Variants in SLC45A4 observed in about 807,000 individuals in gnomAD.
SLC45A4 encodes the protein solute carrier family 45 member 4.
SLC45A4 carries 32 observed loss-of-function variants against 63.7 expected under a neutral mutation model. The observed-to-expected ratio is 0.50, with a 90% confidence interval of 0.38 to 0.67. The LOEUF (loss-of-function observed/expected upper bound fraction) is 0.67, where lower values mean the gene tolerates loss of function less well. Among genes scored for constraint, SLC45A4 ranks in the 30% least tolerant of loss-of-function variants. The probability of loss-of-function intolerance (pLI) is 0.00; values close to 1 mark genes in which losing one functional copy is unlikely to be tolerated. For synonymous variants in SLC45A4, 535 were observed against 510.0 expected, an observed-to-expected ratio of 1.05 and a Z score of -0.66; for missense variants, 1,027 against 1,157.7, an observed-to-expected ratio of 0.89 and a Z score of 1.64.
intron 2 of SLC45A4, among the ~76,000 whole-genome samples, chr8:141,249,087 G>T (rs1175712584): frequency 6.6e-6 from 1 of 151,372 alleles, no homozygotes. Context: ...CCACTTCGAT[G>T]AATGAAGTTG....
At chr8:141,235,320 T>C (rs1399570309) in intron 2 of SLC45A4, among the ~76,000 whole-genome samples, 2 of 152,180 alleles carry the variant, frequency 1.3e-5, no homozygotes, top group African/African-American at 4.8e-5. Flanking sequence ...GAGCGTCAGG[T>C]TACCGTGAGG....
intron 1 of SLC45A4, among the ~76,000 whole-genome samples, chr8:141,279,082 C>T (rs1039886481): frequency 2.6e-5 from 4 of 152,248 alleles, no homozygotes; most frequent in Non-Finnish European, 4.4e-5. Context: ...ACCTCTGTGA[C>T]GGCTCCCACA....
intron 1 of SLC45A4, among the ~76,000 whole-genome samples, chr8:141,289,650 C>T (rs72681602): frequency 0.043 from 6,520 of 152,256 alleles, 190 homozygotes; most frequent in Middle Eastern, 0.085. Flanking sequence ...GGTCAGCTTC[C>T]TGTAGTAAGA....
At chr8:141,264,769 CT>C (rs1829191179) in intron 1 of SLC45A4, among the ~76,000 whole-genome samples, 2 of 152,128 alleles carry the variant, frequency 1.3e-5, no homozygotes, top group Non-Finnish European at 1.5e-5. Context: ...CCTAATTAAC[CT>C]TTGTCATGGT....
At chr8:141,262,114 G>T (rs1487811210) in intron 1 of SLC45A4, among the ~76,000 whole-genome samples, 1 of 151,468 alleles carries the variant, frequency 6.6e-6, no homozygotes, top group African/African-American at 2.4e-5. Flanking sequence ...CAAGAAATTG[G>T]GAAAGGATTC....
At position 141,218,829 on chromosome 8, in the gene SLC45A4, C is replaced by T. The variant is rs756143827; in HGVS notation, c.811G>A (p.Ala271Thr). Residue 271 changes from alanine to threonine, a missense_variant, in exon 5 of 9, where the codon GCC (alanine) becomes ACC (threonine). Ala to Thr is a moderately conservative substitution (Grantham distance 58). Transcript: ENST00000517878. ...CCGTGCGGCTCGCCCCCATCCAGGGCGCCGGGCTCCTCAGCGCTGCGCTCC... is the reference window on the plus strand; with the variant it reads ...CCGTGCGGCTCGCCCCCATCCAGGGTGCCGGGCTCCTCAGCGCTGCGCTCC... ...QQERSAEEPG[A>T]LDGGEPHGVP... The T allele has an allele frequency of 3.0e-5, 48 of 1,613,090 alleles. No individual in the cohort carries two copies. Among genetic ancestry groups the T allele is most frequent in the Middle Eastern group, 3.3e-4 (2 of 6,062 alleles).
intron 6 of SLC45A4, among the ~76,000 whole-genome samples, chr8:141,216,444 C>G (rs1045437307): frequency 2.0e-5 from 3 of 152,252 alleles, no homozygotes; most frequent in Non-Finnish European, 4.4e-5. Flanking sequence ...ACGGCACCTC[C>G]CCTGGGAAAG....
intron 1 of SLC45A4, among the ~76,000 whole-genome samples, chr8:141,300,062 A>T (rs978128376): frequency 2.6e-5 from 4 of 152,172 alleles, no homozygotes; most frequent in African/African-American, 9.7e-5. Context: ...TGGCCCCATG[A>T]TCTGACGACA....
At chr8:141,276,915 A>T (rs1829748367) in intron 1 of SLC45A4, among the ~76,000 whole-genome samples, 1 of 152,166 alleles carries the variant, frequency 6.6e-6, no homozygotes, top group Non-Finnish European at 1.5e-5. Flanking sequence ...GCACCTTTCC[A>T]ACTCATTAAT....
chr8:141,271,924 AAC>A (rs774445757), intron 1 of SLC45A4, among the ~76,000 whole-genome samples: 27 of 151,764 alleles, frequency 1.8e-4, no homozygotes, highest in Admixed American at 3.3e-4. Context: ...ACACGTGTGC[AAC>A]ACACACCTGC....
At chr8:141,233,211 C>T (rs1198495928) in intron 2 of SLC45A4, among the ~76,000 whole-genome samples, 2 of 152,196 alleles carry the variant, frequency 1.3e-5, no homozygotes, top group East Asian at 3.8e-4. Flanking sequence ...GGTTCCAGCA[C>T]ACAGCTGGGC....
At position 141,218,208 on chromosome 8, in the gene SLC45A4, T is replaced by C; in HGVS notation, c.1432A>G (p.Thr478Ala). ...HRHRNQSGAT[T>A]SSGDTESEEG... ...TCACTCTCGGTGTCCCCGCTGGAGG[T>C]GGTGGCCCCGCTCTGGTTCCGGTGC... The change falls in exon 5 of 9, where the codon ACC becomes GCC. Residue 478 changes from threonine (T) to alanine (A), a missense_variant. Coordinates refer to ENST00000517878, the MANE Select transcript of SLC45A4 (RefSeq NM_001286646.2). The C allele has an allele frequency of 6.2e-7, 1 of 1,602,832 alleles. No individual in the cohort carries two copies. The highest frequency in any genetic ancestry group is 1.1e-5 in the South Asian group (1 of 91,048).
At chr8:141,269,752 T>C (rs1429136346) in intron 1 of SLC45A4, among the ~76,000 whole-genome samples, 2 of 152,162 alleles carry the variant, frequency 1.3e-5, no homozygotes, top group Non-Finnish European at 2.9e-5. Context: ...TGTCTGTATG[T>C]CTGTGTCTAT....
chr8:141,223,785 G>A (rs1215558624), intron 2 of SLC45A4, among the ~76,000 whole-genome samples: 1 of 152,150 alleles, frequency 6.6e-6, no homozygotes, highest in African/African-American at 2.4e-5. Context: ...ATGCACTCAC[G>A]AGAGACCGTG....
intron 1 of SLC45A4, among the ~76,000 whole-genome samples, chr8:141,295,596 C>A (rs541905076): frequency 4.0e-4 from 61 of 152,318 alleles, no homozygotes; most frequent in Non-Finnish European, 8.8e-5. Context: ...TTCCACAACA[C>A]AGCACCCAGG....
chr8:141,285,248 G>A (rs1293202632), intron 1 of SLC45A4, among the ~76,000 whole-genome samples: 2 of 152,146 alleles, frequency 1.3e-5, no homozygotes, highest in Non-Finnish European at 2.9e-5. Context: ...ACCACAACGC[G>A]CCCGCACCCC....
At position 141,211,186 on chromosome 8, in the gene SLC45A4, G is replaced by GA; in HGVS notation, c.*385dup. 1 of 379,050 alleles carries GA rather than the reference G, an allele frequency of 2.6e-6. No homozygotes were observed. The highest frequency in any genetic ancestry group is 4.7e-6 in the Non-Finnish European group (1 of 212,386). The allele number at this position is 379,050 out of a possible 1,614,324, so 23.5% of individuals were successfully genotyped here. Reference sequence around the variant, plus strand: ...GGCCCGCTGGGAGCTCTGCTCTCAGGAATCCCCAGCAAATGGTTTAGAGAC... The same window carrying GA: ...GGCCCGCTGGGAGCTCTGCTCTCAGGAAATCCCCAGCAAATGGTTTAGAGAC... On this transcript the variant is annotated 3_prime_UTR_variant, in exon 9 of 9. Coordinates refer to ENST00000517878, the MANE Select transcript of SLC45A4 (RefSeq NM_001286646.2).
rs1007022385 is a variant in SLC45A4 at position 141,212,135 on chromosome 8, GCCGCCCGCCCGCCCGC to G, written c.2301+46_2301+61del. The G allele has an allele frequency of 1.8e-4, 96 of 545,764 alleles. 7 individuals are homozygous for G. In the South Asian group the frequency reaches 1.9e-3, roughly 11 times the overall value. 33.8% of individuals were successfully genotyped at this position (545,764 alleles called of 1,614,324 possible). ...CTGCTCCCGCCCATGGCCTGGCCCC[GCCGCCCGCCCGCCCGC>G]CCACCCGCCCACTGGAATGTGTGTA... On this transcript the variant is annotated intron_variant, in intron 8 of 8. Transcript: ENST00000517878.
chr8:141,275,132 G>T (rs1357697625), intron 1 of SLC45A4, among the ~76,000 whole-genome samples: 2 of 152,232 alleles, frequency 1.3e-5, no homozygotes, highest in African/African-American at 4.8e-5. Flanking sequence ...TACGAGAGAG[G>T]AGTTATCCCA....
Sources: allele counts gnomAD v4.1 joint callset (sites outside exome capture counted in the v4.1 genomes callset), GRCh38; gene constraint gnomAD v4.1.1; transcripts MANE v1.5; gene names NCBI Gene and HGNC (gene_info 2026-07-23, HGNC 2026-07-21).